The following TRPM3 variants were observed in gnomAD, a reference collection of about 807,000 sequenced individuals.
The protein encoded by TRPM3 is long transient receptor potential channel 3.
A neutral mutation model predicts 181.2 loss-of-function variants in TRPM3; 77 were observed. The observed-to-expected ratio is 0.42, with a 90% confidence interval of 0.35 to 0.51. TRPM3 has a LOEUF of 0.51. Ranked by LOEUF, TRPM3 falls within the 20% of genes least tolerant of loss-of-function variation. The pLI is 0.01. For missense variants in TRPM3, 1,759 were observed against 2,196.7 expected (o/e 0.80, Z 3.98); for synonymous variants, 745 against 796.4 (o/e 0.94, Z 1.09).
intron 1 of TRPM3, among the ~76,000 whole-genome samples, chr9:71,367,869 G>A (rs772050098): frequency 6.6e-6 from 1 of 152,148 alleles, no homozygotes; most frequent in Admixed American, 6.5e-5. Context: ...CCCTCCTAAC[G>A]GTTATTTTCT....
chr9:71,367,373 G>A (rs536427134), intron 1 of TRPM3, among the ~76,000 whole-genome samples: 10 of 152,160 alleles, frequency 6.6e-5, no homozygotes, highest in African/African-American at 1.2e-4. Flanking sequence ...TAATCTTCAG[G>A]AGAGCTCAAT....
At chr9:70,863,670 G>C (rs1205514521) in intron 2 of TRPM3, among the ~76,000 whole-genome samples, 3 of 152,238 alleles carry the variant, frequency 2.0e-5, no homozygotes, top group African/African-American at 4.8e-5. Context: ...TGAGATATTT[G>C]AAAACTTAAA....
At chr9:70,837,171 GAAAGTTTTCTGAGCTTATAATAT>G (rs2094378975) in intron 5 of TRPM3, among the ~76,000 whole-genome samples, 1 of 152,192 alleles carries the variant, frequency 6.6e-6, no homozygotes, top group African/African-American at 2.4e-5. Flanking sequence ...GCCACTCCTG[GAAAGTTTTCTGAGCTTATAATAT>G]GAAGTCATAT....
At chr9:71,033,759 T>C (rs1278860926) in intron 1 of TRPM3, among the ~76,000 whole-genome samples, 1 of 152,192 alleles carries the variant, frequency 6.6e-6, no homozygotes, top group Non-Finnish European at 1.5e-5. Flanking sequence ...GATTATCATA[T>C]ACTTGATGAA....
Position 70,657,097 on chromosome 9 carries a change from G to A in TRPM3, c.1346-16437C>T, listed in dbSNP as rs552633284. Among the ~76,000 whole-genome samples, 3 of 149,006 alleles carry A rather than the reference G, an allele frequency of 2.0e-5. No individual in the cohort carries two copies. The South Asian group carries it at 6.3e-4, about 31-fold the overall frequency. ...GAACAATCTGTATAAGTCACAATAA[G>A]AGGATTTATATACATAAAAAACCCA... On this transcript the variant is annotated intron_variant, in intron 9 of 25. Coordinates refer to ENST00000677713, the MANE Select transcript of TRPM3 (RefSeq NM_001366145.2).
intron 1 of TRPM3, among the ~76,000 whole-genome samples, chr9:71,357,325 T>C (rs1265645250): frequency 6.6e-6 from 1 of 152,176 alleles, no homozygotes; most frequent in Admixed American, 6.6e-5. Flanking sequence ...ACCAAAGTTG[T>C]GATATTTCCT....
rs534147880 is a variant in TRPM3, at chr9:71,294,258, G to A, written c.183+152395C>T. ...ACAAACAAAACTGCACCTAGAATAT[G>A]TAAAAAGAACTCCTATAAATCCATA... On this transcript the variant is annotated intron_variant, in intron 1 of 24. Coordinates refer to the TRPM3 transcript ENST00000357533. Among the ~76,000 whole-genome samples the A allele has an allele frequency of 4.7e-4, 72 of 152,036 alleles. 1 individual carries two copies. The highest frequency in any genetic ancestry group is 3.4e-3 in the Middle Eastern group (1 of 294).
intron 22 of TRPM3, among the ~76,000 whole-genome samples, chr9:70,572,596 T>C (rs903744072): frequency 2.0e-5 from 3 of 152,206 alleles, no homozygotes; most frequent in African/African-American, 7.2e-5. Context: ...ACAGATATAT[T>C]TTGTAGCATG....
Position 70,534,402 on chromosome 9 carries a change from A to G in TRPM3, c.*1551T>C, listed in dbSNP as rs963972194. ...TCTAATAGTATAATGAACTCTTTCA[A>G]TGGAACTTCTTGTATATTAAAAAAA... On this transcript the variant is annotated 3_prime_UTR_variant, in exon 26 of 26. Coordinates refer to ENST00000677713, the MANE Select transcript of TRPM3 (RefSeq NM_001366145.2). 6.6e-6 allele frequency: 1 copy of G among 152,214 alleles called. No individual in the cohort carries two copies. The highest frequency in any genetic ancestry group is 1.5e-5 in the Non-Finnish European group (1 of 68,024). 9.4% of individuals were successfully genotyped at this position (152,214 alleles called of 1,614,324 possible). A position where few individuals can be genotyped will look rare whatever the true frequency, so the allele number is the denominator to read the frequency against.
intron 1 of TRPM3, among the ~76,000 whole-genome samples, chr9:71,379,259 G>A (rs1032199661): frequency 6.6e-6 from 1 of 152,062 alleles, no homozygotes; most frequent in Non-Finnish European, 1.5e-5. Flanking sequence ...GTCTTCTGCA[G>A]ATATAAAATG....
At position 71,279,038 on chromosome 9, in the gene TRPM3, AAAAAAT is replaced by A. The variant is rs746792776; in HGVS notation, c.183+167609_183+167614del. On this transcript the variant is annotated intron_variant, in intron 1 of 24. Coordinates refer to the TRPM3 transcript ENST00000357533. ...ACCAAACTTATCCTGCTTAGGTTAA[AAAAAAT>A]AAAAATAAAAATAAAAATAAAAAAA... is the stretch of plus-strand genomic sequence containing the variant. Among the ~76,000 whole-genome samples the A allele has an allele frequency of 7.4e-5, 7 of 94,830 alleles. 1 individual carries two copies. Among genetic ancestry groups the A allele is most frequent in the South Asian group, 2.7e-4 (1 of 3,692 alleles). 62.2% of individuals were successfully genotyped at this position (94,830 alleles called of 152,430 possible).
intron 12 of TRPM3, among the ~76,000 whole-genome samples, chr9:70,628,151 C>T (rs1695122734): frequency 1.3e-5 from 2 of 152,122 alleles, no homozygotes; most frequent in Admixed American, 6.5e-5. Context: ...GACTGTTAGG[C>T]GAGGCTGTTA....
At chr9:71,310,282 A>T (rs1157512296) in intron 1 of TRPM3, among the ~76,000 whole-genome samples, 4 of 152,112 alleles carry the variant, frequency 2.6e-5, no homozygotes, top group Non-Finnish European at 4.4e-5. Flanking sequence ...GTCAGGAAAA[A>T]AAAACCCAAA....
At chr9:70,617,495 T>C (rs562976804) in intron 17 of TRPM3, among the ~76,000 whole-genome samples, 1 of 152,262 alleles carries the variant, frequency 6.6e-6, no homozygotes, top group Admixed American at 6.5e-5. Flanking sequence ...GTATGTACCA[T>C]ACAGATGTAA....
chr9:70,689,994 T>G (rs919575320), intron 8 of TRPM3, among the ~76,000 whole-genome samples: 2 of 152,150 alleles, frequency 1.3e-5, no homozygotes, highest in Non-Finnish European at 2.9e-5. Context: ...TTTCAAGGTA[T>G]CTATTAATTA....
chr9:71,413,450 A>G (rs2093591440), intron 1 of TRPM3, among the ~76,000 whole-genome samples: 1 of 152,062 alleles, frequency 6.6e-6, no homozygotes, highest in African/African-American at 2.4e-5. Flanking sequence ...TTAGTAACTA[A>G]TGGCAATAGG....
chr9:70,569,875 A>T (rs2051720513), intron 22 of TRPM3, among the ~76,000 whole-genome samples: 1 of 152,136 alleles, frequency 6.6e-6, no homozygotes, highest in Non-Finnish European at 1.5e-5. Context: ...AAATGTAAAA[A>T]ATATTTAAAA....
At chr9:70,810,418 C>T (rs1164386873) in intron 6 of TRPM3, among the ~76,000 whole-genome samples, 1 of 151,360 alleles carries the variant, frequency 6.6e-6, no homozygotes, top group Non-Finnish European at 1.5e-5. Flanking sequence ...TCGCCCTGTT[C>T]TATGGGTACA....
Position 70,603,067 on chromosome 9 carries a change from GA to G in TRPM3, c.2796+274del, listed in dbSNP as rs565565615. Among the ~76,000 whole-genome samples the G allele has an allele frequency of 2.6e-4, 39 of 152,292 alleles. No individual in the cohort carries two copies. The South Asian group carries it at 5.0e-3, about 19-fold the overall frequency. On this transcript the variant is annotated intron_variant, in intron 20 of 25. Coordinates refer to ENST00000677713, the MANE Select transcript of TRPM3 (RefSeq NM_001366145.2). ...TCTAGAAAGTCATGTTTATAGGGAT[GA>G]GGCATCAAAAACAACTAGAGGCCTT...
Sources: allele counts gnomAD v4.1 joint callset (sites outside exome capture counted in the v4.1 genomes callset), GRCh38; gene constraint gnomAD v4.1.1; transcripts MANE v1.5; gene names NCBI Gene and HGNC (gene_info 2026-07-23, HGNC 2026-07-21).